Variants in CHRNA3 observed in about 807,000 individuals in gnomAD.
CHRNA3 encodes the protein neuronal acetylcholine receptor subunit alpha-3.
Under a neutral mutation model 41.9 loss-of-function variants are expected in CHRNA3, and 34 were observed. The observed-to-expected ratio is 0.81, with a 90% CI of 0.62 to 1.08. CHRNA3 has a LOEUF of 1.08. CHRNA3 is among the 50% of genes least tolerant of loss of function. The probability of loss-of-function intolerance (pLI) is 0.00; values close to 1 mark genes in which losing one functional copy is unlikely to be tolerated. For synonymous variants in CHRNA3, 281 were observed against 265.2 expected (o/e 1.06, Z -0.58); for missense variants, 542 against 638.3 (o/e 0.85, Z 1.63).
At position 78,596,374 on chromosome 15, in the gene CHRNA3, G is replaced by T. The variant is rs369853825; in HGVS notation, c.*230C>A. On this transcript the variant is annotated 3_prime_UTR_variant, in exon 6 of 6. Transcript: ENST00000326828. ...TACTAATCACATAGAATCACATTTT[G>T]ACATCTCTTTACCATACCAAAAAGG... 38 of 1,173,642 alleles carry T rather than the reference G, an allele frequency of 3.2e-5. No individual in the cohort carries two copies. The East Asian group carries it at 1.0e-3, about 31-fold the overall frequency. The allele number at this position is 1,173,642 out of a possible 1,614,324, so 72.7% of individuals were successfully genotyped here. A position where few individuals can be genotyped will look rare whatever the true frequency, so the allele number is the denominator to read the frequency against.
intron 4 of CHRNA3, among the ~76,000 whole-genome samples, chr15:78,608,216 T>TG (rs1168942090): frequency 6.6e-6 from 1 of 152,202 alleles, no homozygotes; most frequent in Non-Finnish European, 1.5e-5. Flanking sequence ...AGGAGAGTAA[T>TG]GGTTCTCCCA....
At chr15:78,596,784 A>C (rs1477449727) in intron 5 of CHRNA3, 52 bp from the exon 6 acceptor site, 1 of 1,565,790 alleles carries the variant, frequency 6.4e-7, no homozygotes, top group Non-Finnish European at 8.6e-7. Flanking sequence ...AGGCAAATGA[A>C]TACATTTTCA....
At chr15:78,602,343 C>T in intron 4 of CHRNA3, 79 bp from the exon 5 acceptor site, 1 of 1,435,254 alleles carries the variant, frequency 7.0e-7, no homozygotes, top group East Asian at 2.3e-5. Context: ...ACCAGCTTCT[C>T]ACAGTAAGTA....
chr15:78,601,695 G>C lies in CHRNA3; in HGVS notation c.947C>G (p.Thr316Ser). Residue 316 changes from threonine (T) to serine (S), a missense_variant, in exon 5 of 6, where the codon ACC becomes AGC. Thr to Ser is a moderately conservative substitution (Grantham distance 58, BLOSUM62 1). Coordinates refer to ENST00000326828, the MANE Select transcript of CHRNA3 (RefSeq NM_000743.5). The part of the protein sequence containing the change: ...EYLLFTMIFV[T>S]LSIVITVFVL... Reference sequence around the variant, plus strand: ...GAAGACGGTGATGACGATGGACAAGGTTACAAAAATCATGGTGAACAGGAG... The same window carrying C: ...GAAGACGGTGATGACGATGGACAAGCTTACAAAAATCATGGTGAACAGGAG... 1 of 1,614,150 alleles carries C rather than the reference G, an allele frequency of 6.2e-7. No homozygotes were observed. Among genetic ancestry groups the C allele is most frequent in the Non-Finnish European group, 8.5e-7 (1 of 1,180,028 alleles).
chr15:78,616,367 C>CCCGCCA lies in CHRNA3; in HGVS notation c.377+656_377+657insTGGCGG, dbSNP rs1555419344. Among the ~76,000 whole-genome samples, 6 of 134,964 alleles carry CCCGCCA rather than the reference C, an allele frequency of 4.4e-5. No homozygotes were observed. The East Asian group carries it at 1.5e-3, about 33-fold the overall frequency. The allele number at this position is 134,964 out of a possible 152,430, so 88.5% of individuals were successfully genotyped here. A position where few individuals can be genotyped will look rare whatever the true frequency, so the allele number is the denominator to read the frequency against. ...CTCAGTCTTCCCCCCCCCACCCCCC[C>CCCGCCA]AAAAAAAAAGCTCCTTGGTAACCAT... On this transcript the variant is annotated intron_variant, in intron 4 of 5. Coordinates refer to ENST00000326828, the MANE Select transcript of CHRNA3 (RefSeq NM_000743.5).
At chr15:78,595,218 TATACTACCA>T, downstream of CHRNA3, 11 of 896,002 alleles carry the variant, frequency 1.2e-5, no homozygotes, top group Non-Finnish European at 1.5e-5. Flanking sequence ...TGATCCCTCT[TATACTACCA>T]TTACTGTTAC....
intron 1 of CHRNA3, chr15:78,619,919 T>C (rs2053523048): frequency 2.0e-5 from 3 of 152,316 alleles, no homozygotes; most frequent in Admixed American, 1.3e-4. Flanking sequence ...TGAGAGCGTA[T>C]GGCGTTCTGA....
At chr15:78,613,959 A>G (rs564670957) in intron 4 of CHRNA3, among the ~76,000 whole-genome samples, 1 of 152,106 alleles carries the variant, frequency 6.6e-6, no homozygotes, top group South Asian at 2.1e-4. Context: ...GTGGGGGGAA[A>G]AAAAAGAAGA....
chr15:78,611,855 A>G (rs1338889613), intron 4 of CHRNA3, among the ~76,000 whole-genome samples: 1 of 152,112 alleles, frequency 6.6e-6, no homozygotes, highest in Non-Finnish European at 1.5e-5. Context: ...TTAAGCTGAT[A>G]AGCAACTTCA....
At position 78,601,241 on chromosome 15, in the gene CHRNA3, C is replaced by T. The variant is rs532708624; in HGVS notation, c.1389+12G>A. Reference sequence around the variant, plus strand: ...GAATGAATGACCAATGTAATAAAAGCCATATCCTTACCTCTTTGGCTTCAT... The same window carrying T: ...GAATGAATGACCAATGTAATAAAAGTCATATCCTTACCTCTTTGGCTTCAT... On this transcript the variant is annotated intron_variant, in intron 5 of 5. Transcript: ENST00000326828. 6 of 1,608,828 alleles carry T rather than the reference C, an allele frequency of 3.7e-6. No individual in the cohort carries two copies. In the East Asian group the frequency reaches 8.9e-5, roughly 24 times the overall value.
At chr15:78,596,823 G>A (rs915842673) in intron 5 of CHRNA3, 91 bp from the exon 6 acceptor site, 3 of 1,472,634 alleles carry the variant, frequency 2.0e-6, no homozygotes, top group South Asian at 1.5e-5. Flanking sequence ...ACACGTTGCA[G>A]TAGAAGCCAT....
At chr15:78,596,776 G>T in intron 5 of CHRNA3, 44 bp from the exon 6 acceptor site, 1 of 1,566,128 alleles carries the variant, frequency 6.4e-7, no homozygotes, top group South Asian at 1.2e-5. Flanking sequence ...GGAGGGAAAG[G>T]CAAATGAATA....
chr15:78,594,778 TTTCAG>T (rs1190503128), downstream of CHRNA3: 4 of 152,246 alleles, frequency 2.6e-5, no homozygotes, highest in Non-Finnish European at 5.9e-5. Context: ...ACCTGTAATA[TTTCAG>T]TTTTCTCTCC....
chr15:78,613,205 C>A (rs1401945356), intron 4 of CHRNA3, among the ~76,000 whole-genome samples: 1 of 152,156 alleles, frequency 6.6e-6, no homozygotes, highest in East Asian at 1.9e-4. Flanking sequence ...TTTGACCCAG[C>A]CATCCCATTA....
At chr15:78,618,053 C>T (rs2053491575) in intron 3 of CHRNA3, among the ~76,000 whole-genome samples, 1 of 152,128 alleles carries the variant, frequency 6.6e-6, no homozygotes, top group Non-Finnish European at 1.5e-5. Flanking sequence ...TCGAGACCAG[C>T]CTGGGCAACA....
chr15:78,608,003 C>A (rs925777330), intron 4 of CHRNA3, among the ~76,000 whole-genome samples: 1 of 152,222 alleles, frequency 6.6e-6, no homozygotes, highest in Non-Finnish European at 1.5e-5. Context: ...AACTGCAAGG[C>A]GGCAGCGATG....
intron 4 of CHRNA3, among the ~76,000 whole-genome samples, chr15:78,613,387 G>A (rs1037587374): frequency 1.3e-4 from 20 of 152,022 alleles, no homozygotes; most frequent in African/African-American, 4.6e-4. Context: ...ATACTATGCA[G>A]CCATAAAAAA....
At position 78,608,727 on chromosome 15, in the gene CHRNA3, C is replaced by T. The variant is rs144494461; in HGVS notation, c.378-6463G>A. Among the ~76,000 whole-genome samples the T allele has an allele frequency of 1.1e-3, 161 of 151,368 alleles. 1 individual carries two copies. Among genetic ancestry groups the T allele is most frequent in the African/African-American group, 1.8e-3 (74 of 40,712 alleles). On this transcript the variant is annotated intron_variant, in intron 4 of 5. Transcript: ENST00000326828. ...TCACCAGCAATGGAACAAAGCTGGA[C>T]GGAGAATGACTTTGACAAGTTGAGA...
At chr15:78,610,085 T>G (rs1240070621) in intron 4 of CHRNA3, among the ~76,000 whole-genome samples, 1 of 152,164 alleles carries the variant, frequency 6.6e-6, no homozygotes, top group Non-Finnish European at 1.5e-5. Context: ...AGCAAGTCCT[T>G]AGAGACCTAC....
Sources: allele counts gnomAD v4.1 joint callset (sites outside exome capture counted in the v4.1 genomes callset), GRCh38; gene constraint gnomAD v4.1.1; transcripts MANE v1.5; gene names NCBI Gene and HGNC (gene_info 2026-07-23, HGNC 2026-07-21).